Variants in EEF1E1 observed in about 807,000 individuals in gnomAD.
The protein encoded by EEF1E1 is eukaryotic translation elongation factor 1 epsilon 1.
Under a neutral mutation model 19.9 loss-of-function variants are expected in EEF1E1, and 19 were observed. The ratio of observed to expected loss-of-function variants is 0.95; its 90% confidence interval spans 0.66 to 1.40. The LOEUF is 1.40. Among genes scored for constraint, EEF1E1 ranks in the 40% most tolerant of loss-of-function variants. The probability of loss-of-function intolerance (pLI) is 0.00; values close to 1 mark genes in which losing one functional copy is unlikely to be tolerated. For missense variants in EEF1E1, 198 were observed against 202.2 expected, an observed-to-expected ratio of 0.98 and a Z score of 0.13; for synonymous variants, 81 against 80.0, an observed-to-expected ratio of 1.01 and a Z score of -0.07.
chr6:8,076,265 GAGAAATCACTATC>G (rs1356920313), downstream of EEF1E1, among the ~76,000 whole-genome samples: 1 of 151,890 alleles, frequency 6.6e-6, no homozygotes, highest in Non-Finnish European at 1.5e-5. Flanking sequence ...TACTCCATCA[GAGAAATCACTATC>G]TATGGCAGCT....
chr6:8,093,286 T>G (rs1052592386), intron 2 of EEF1E1, among the ~76,000 whole-genome samples: 4 of 151,694 alleles, frequency 2.6e-5, no homozygotes, highest in African/African-American at 4.8e-5. Flanking sequence ...ATTCAAAATA[T>G]TCACAGATGA....
At chr6:8,090,105 T>A (rs550138469) in intron 3 of EEF1E1, 81 bp downstream of exon 3, 6 of 1,237,706 alleles carry the variant, frequency 4.8e-6, no homozygotes, top group African/African-American at 1.6e-5. Context: ...AAAATGCAAA[T>A]CTGATTTAAA....
chr6:8,096,145 A>G (rs762135779), intron 2 of EEF1E1, among the ~76,000 whole-genome samples: 3 of 152,228 alleles, frequency 2.0e-5, no homozygotes, highest in Non-Finnish European at 4.4e-5. Flanking sequence ...TACCACATCT[A>G]TTAATATAAC....
chr6:8,085,147 TG>T (rs1420778075), intron 3 of EEF1E1, among the ~76,000 whole-genome samples: 5 of 152,070 alleles, frequency 3.3e-5, no homozygotes, highest in African/African-American at 1.2e-4. Context: ...TGTTAAATAT[TG>T]CTTTTATTTA....
Position 8,102,420 on chromosome 6 carries a change from G to A in EEF1E1, c.87+15C>T. Reference sequence around the variant, plus strand: ...CCGTCCACCTCTTCCCCTCCGCGCCGCCTCTCCTTCTCACCTGTCGCTCGC... The same window carrying A: ...CCGTCCACCTCTTCCCCTCCGCGCCACCTCTCCTTCTCACCTGTCGCTCGC... On this transcript the variant is annotated intron_variant, in intron 1 of 3. Transcript: ENST00000379715. 1 of 1,606,716 alleles carries A rather than the reference G, an allele frequency of 6.2e-7. No homozygotes were observed. The highest frequency in any genetic ancestry group is 8.5e-7 in the Non-Finnish European group (1 of 1,177,758).
At chr6:8,073,950 C>T (rs1417995445) in intron 3 of EEF1E1, among the ~76,000 whole-genome samples, 1 of 152,212 alleles carries the variant, frequency 6.6e-6, no homozygotes, top group African/African-American at 2.4e-5. Flanking sequence ...TGCCCTCCGA[C>T]TACACATCTG....
At chr6:8,085,742 G>A (rs569468255) in intron 3 of EEF1E1, among the ~76,000 whole-genome samples, 6 of 152,242 alleles carry the variant, frequency 3.9e-5, no homozygotes, top group South Asian at 2.1e-4. Context: ...CCAAAACAAT[G>A]AAAATTCCCT....
intron 2 of EEF1E1, among the ~76,000 whole-genome samples, chr6:8,091,370 T>C (rs1758006730): frequency 6.6e-6 from 1 of 152,246 alleles, no homozygotes; most frequent in East Asian, 1.9e-4. Context: ...TTGCCACTTT[T>C]GAAATCAGGA....
intron 1 of EEF1E1, among the ~76,000 whole-genome samples, chr6:8,101,235 AAAAAAAAAATATATATAT>A (rs1240939785): frequency 4.4e-5 from 3 of 68,248 alleles, no homozygotes; most frequent in African/African-American, 2.2e-4. Context: ...CAAAAAAAAA[AAAAAAAAAATATATATAT>A]ATATATATAT....
intron 1 of EEF1E1, 116 bp from the exon 2 acceptor site, chr6:8,097,583 T>C: frequency 1.4e-6 from 1 of 739,000 alleles, no homozygotes; most frequent in Non-Finnish European, 2.2e-6. Flanking sequence ...TGGATTTTAC[T>C]CTAAGATACT....
chr6:8,099,683 G>A (rs1366792807), intron 1 of EEF1E1, among the ~76,000 whole-genome samples: 1 of 150,694 alleles, frequency 6.6e-6, no homozygotes, highest in African/African-American at 2.4e-5. Context: ...GGAGGCAGAG[G>A]TTGCAGTGAG....
rs1757671535 is a variant in EEF1E1 at position 8,079,396 on chromosome 6, A to AT, written c.*493dup. The AT allele has an allele frequency of 1.3e-5, 13 of 988,406 alleles. No homozygotes were observed. The highest frequency in any genetic ancestry group is 1.6e-5 in the Non-Finnish European group (13 of 831,400). The allele number at this position is 988,406 out of a possible 1,614,324, so 61.2% of individuals were successfully genotyped here. ...AGAAAGAAAGAAACAACGAAAAAAT[A>AT]TTTTTTCAACCACATTTACTAGCTC... On this transcript the variant is annotated 3_prime_UTR_variant, in exon 4 of 4. Coordinates refer to ENST00000379715, the MANE Select transcript of EEF1E1 (RefSeq NM_004280.5).
intron 3 of EEF1E1, chr6:8,073,605 G>C (rs1379825583): frequency 6.8e-7 from 1 of 1,476,130 alleles, no homozygotes; most frequent in Non-Finnish European, 9.0e-7. Flanking sequence ...ATCTATTATT[G>C]TTGTTATTAA....
At chr6:8,100,526 C>T (rs1581478569) in intron 1 of EEF1E1, among the ~76,000 whole-genome samples, 3 of 152,162 alleles carry the variant, frequency 2.0e-5, no homozygotes, top group South Asian at 4.1e-4. Flanking sequence ...AATAACTCAA[C>T]AATCTTTCCA....
chr6:8,073,657 T>C, intron 3 of EEF1E1: 1 of 1,182,958 alleles, frequency 8.5e-7, no homozygotes, highest in South Asian at 1.8e-5. Flanking sequence ...CAGATCTTCA[T>C]AACTGAATAC....
At chr6:8,093,073 T>TA (rs1347466745) in intron 2 of EEF1E1, among the ~76,000 whole-genome samples, 3 of 151,950 alleles carry the variant, frequency 2.0e-5, no homozygotes, top group Non-Finnish European at 4.4e-5. Flanking sequence ...GCGGTTTCAC[T>TA]ATGTTGGCCA....
downstream of EEF1E1, among the ~76,000 whole-genome samples, chr6:8,076,525 G>T (rs181202482): frequency 6.6e-6 from 1 of 151,370 alleles, no homozygotes; most frequent in Non-Finnish European, 1.5e-5. Context: ...GGGTTTCACC[G>T]TGTTAGCCAG....
chr6:8,085,136 T>A (rs547758173), intron 3 of EEF1E1, among the ~76,000 whole-genome samples: 20 of 152,172 alleles, frequency 1.3e-4, no homozygotes, highest in African/African-American at 4.6e-4. Context: ...TAGGTACCAG[T>A]TGTTAAATAT....
downstream of EEF1E1, among the ~76,000 whole-genome samples, chr6:8,076,089 C>T (rs1164636927): frequency 6.6e-6 from 1 of 152,102 alleles, no homozygotes; most frequent in East Asian, 1.9e-4. Flanking sequence ...GTAGTTGTTT[C>T]CTCCACTTAA....
Sources: allele counts gnomAD v4.1 joint callset (sites outside exome capture counted in the v4.1 genomes callset), GRCh38; gene constraint gnomAD v4.1.1; transcripts MANE v1.5; gene names NCBI Gene and HGNC (gene_info 2026-07-23, HGNC 2026-07-21).